Variants in WDR41 observed in about 807,000 individuals in gnomAD.
The protein encoded by WDR41 is WD repeat-containing protein 41.
Under a neutral mutation model 69.3 loss-of-function variants are expected in WDR41, and 63 were observed. That is an observed-to-expected ratio of 0.91 (90% CI 0.74 to 1.12). The LOEUF (loss-of-function observed/expected upper bound fraction) is 1.12, where lower values mean the gene tolerates loss of function less well. WDR41 is among the 50% of genes most tolerant of loss of function. The probability of loss-of-function intolerance (pLI) is 0.00; values close to 1 mark genes in which losing one functional copy is unlikely to be tolerated. For synonymous variants in WDR41, 185 were observed against 192.1 expected (o/e 0.96, Z 0.31); for missense variants, 543 against 534.5 (o/e 1.02, Z -0.16).
chr5:77,579,516 C>T (rs6453332), intron 1 of WDR41, among the ~76,000 whole-genome samples: 111,113 of 152,042 alleles, frequency 0.73, 41,366 homozygotes, highest in African/African-American at 0.86. Flanking sequence ...GATAGTAGAA[C>T]AACATGTTCA....
intron 2 of WDR41, among the ~76,000 whole-genome samples, chr5:77,466,796 T>C (rs1159125713): frequency 6.7e-6 from 1 of 149,346 alleles, no homozygotes; most frequent in Non-Finnish European, 1.5e-5. Flanking sequence ...ATATATATTC[T>C]ATTGCTACCA....
In WDR41 at chr5:77,437,428, TCAGAA is replaced by T; in HGVS notation, c.1005-9_1005-5del. On this transcript the variant is annotated splice_region_variant and splice_polypyrimidine_tract_variant and intron_variant, in intron 10 of 12. Transcript: ENST00000296679. ...TTCTGAGCATGAGATTAACTGCCTG[TCAGAA>T]CAGAAAATCAGTAATACAAAAAGAG... 1 of 1,613,318 alleles carries T rather than the reference TCAGAA, an allele frequency of 6.2e-7. No homozygotes were observed. The highest frequency in any genetic ancestry group is 1.3e-5 in the African/African-American group (1 of 75,014).
intron 1 of WDR41, among the ~76,000 whole-genome samples, chr5:77,556,146 C>T (rs1270685598): frequency 7.5e-6 from 1 of 133,684 alleles, no homozygotes; most frequent in South Asian, 2.4e-4. Flanking sequence ...TCTCTGTTGC[C>T]AGGCTGAAGT....
chr5:77,546,138 A>T (rs1743192498), intron 1 of WDR41: 1 of 488,080 alleles, frequency 2.0e-6, no homozygotes, highest in South Asian at 4.1e-5. Context: ...CAGCTACTTG[A>T]CCTCCGACCT....
intron 2 of WDR41, among the ~76,000 whole-genome samples, chr5:77,473,076 T>C (rs1393857196): frequency 1.3e-5 from 2 of 152,086 alleles, no homozygotes; most frequent in Admixed American, 6.5e-5. Context: ...AACAGCATGA[T>C]ACTGGTACCA....
chr5:77,605,260 C>CTGTT (rs1283998070), intron 1 of WDR41, among the ~76,000 whole-genome samples: 2 of 152,188 alleles, frequency 1.3e-5, no homozygotes, highest in African/African-American at 2.4e-5. Context: ...CTGCTCCTTA[C>CTGTT]TGTTGTCTGC....
intron 1 of WDR41, among the ~76,000 whole-genome samples, chr5:77,576,628 CT>C (rs1263110888): frequency 1.3e-5 from 2 of 152,124 alleles, no homozygotes; most frequent in African/African-American, 4.8e-5. Context: ...TTATGGCCTC[CT>C]TTTTCTCTTT....
chr5:77,447,976 T>C (rs1799455309), intron 8 of WDR41, among the ~76,000 whole-genome samples: 1 of 152,214 alleles, frequency 6.6e-6, no homozygotes, highest in African/African-American at 2.4e-5. Context: ...TTTCCCTTTT[T>C]TCCCCTTACG....
At chr5:77,587,000 G>A (rs1212085035) in intron 1 of WDR41, among the ~76,000 whole-genome samples, 4 of 151,692 alleles carry the variant, frequency 2.6e-5, no homozygotes, top group East Asian at 1.9e-4. Context: ...TTACAGGCGT[G>A]AGCCACCATG....
intron 1 of WDR41, among the ~76,000 whole-genome samples, chr5:77,613,729 G>A (rs1580053994): frequency 6.6e-6 from 1 of 152,160 alleles, no homozygotes; most frequent in African/African-American, 2.4e-5. Flanking sequence ...CAGGACATAG[G>A]CATGGGCAAG....
At chr5:77,576,305 C>T (rs367700561) in intron 1 of WDR41, among the ~76,000 whole-genome samples, 2 of 152,018 alleles carry the variant, frequency 1.3e-5, no homozygotes, top group Admixed American at 6.6e-5. Flanking sequence ...TTCACTACCC[C>T]CCTCAACCTG....
chr5:77,434,608 G>C (rs1214261209), intron 12 of WDR41, among the ~76,000 whole-genome samples: 28 of 151,792 alleles, frequency 1.8e-4, no homozygotes, highest in Admixed American at 1.8e-3. Flanking sequence ...GGGAGACTGA[G>C]GCAGGAGAAT....
intron 1 of WDR41, among the ~76,000 whole-genome samples, chr5:77,570,803 T>C (rs1489992101): frequency 6.6e-6 from 1 of 151,942 alleles, no homozygotes; most frequent in Non-Finnish European, 1.5e-5. Flanking sequence ...CAGTTACATC[T>C]TCCTTAGTCA....
At chr5:77,612,325 G>A (rs1309425564) in intron 1 of WDR41, among the ~76,000 whole-genome samples, 1 of 152,062 alleles carries the variant, frequency 6.6e-6, no homozygotes, top group Non-Finnish European at 1.5e-5. Context: ...CCAAAACCAG[G>A]CAGAGACACA....
intron 2 of WDR41, among the ~76,000 whole-genome samples, chr5:77,481,997 T>A (rs532973312): frequency 1.3e-5 from 2 of 152,218 alleles, no homozygotes; most frequent in Non-Finnish European, 2.9e-5. Flanking sequence ...CACAGAGGCA[T>A]AAATACCTTT....
At chr5:77,478,920 G>C (rs1463290979) in intron 2 of WDR41, among the ~76,000 whole-genome samples, 1 of 151,772 alleles carries the variant, frequency 6.6e-6, no homozygotes, top group Non-Finnish European at 1.5e-5. Flanking sequence ...TGTATATCTA[G>C]AAAACCCCAC....
intron 1 of WDR41, among the ~76,000 whole-genome samples, chr5:77,599,190 G>T (rs1170607960): frequency 6.9e-5 from 10 of 143,892 alleles, no homozygotes; most frequent in Non-Finnish European, 1.2e-4. Flanking sequence ...CTTGCTAATC[G>T]GAAGCTCTTT....
intron 8 of WDR41, among the ~76,000 whole-genome samples, chr5:77,442,435 T>A (rs565987423): frequency 2.0e-5 from 3 of 152,266 alleles, no homozygotes; most frequent in East Asian, 3.9e-4. Context: ...TTAATACACA[T>A]GTACACACAT....
chr5:77,457,085 C>A (rs1162739858), intron 5 of WDR41, among the ~76,000 whole-genome samples: 1 of 152,102 alleles, frequency 6.6e-6, no homozygotes, highest in Non-Finnish European at 1.5e-5. Flanking sequence ...CTCATCTATT[C>A]CTAGTTTGTT....
Sources: allele counts gnomAD v4.1 joint callset (sites outside exome capture counted in the v4.1 genomes callset), GRCh38; gene constraint gnomAD v4.1.1; transcripts MANE v1.5; gene names NCBI Gene and HGNC (gene_info 2026-07-23, HGNC 2026-07-21).